The following EAPP variants were observed in gnomAD, a reference collection of about 807,000 sequenced individuals.
EAPP encodes the protein E2F associated phosphoprotein, also known as E2F-associated phosphoprotein.
Under a neutral mutation model 34.3 loss-of-function variants are expected in EAPP, and 38 were observed. That is an observed-to-expected ratio of 1.11 (90% CI 0.85 to 1.45). The LOEUF is 1.45. Ranked by LOEUF, EAPP falls within the 40% of genes most tolerant of loss-of-function variation. The probability of loss-of-function intolerance (pLI) is 0.00; values close to 1 mark genes in which losing one functional copy is unlikely to be tolerated. For synonymous variants in EAPP, 113 were observed against 117.6 expected, an observed-to-expected ratio of 0.96 and a Z score of 0.25; for missense variants, 338 against 343.7, an observed-to-expected ratio of 0.98 and a Z score of 0.13.
chr14:34,530,141 G>T (rs1213905021), intron 3 of EAPP, among the ~76,000 whole-genome samples: 2 of 151,616 alleles, frequency 1.3e-5, no homozygotes, highest in East Asian at 3.9e-4. Flanking sequence ...TGGAGGGTGT[G>T]GTGAGCCGAG....
At chr14:34,519,729 CCTTA>C (rs994719739) in intron 5 of EAPP, among the ~76,000 whole-genome samples, 1 of 151,990 alleles carries the variant, frequency 6.6e-6, no homozygotes, top group Non-Finnish European at 1.5e-5. Flanking sequence ...CTCTTCCCTT[CCTTA>C]CTGTCTTCCT....
At chr14:34,526,841 C>T (rs1880112763) in intron 4 of EAPP, among the ~76,000 whole-genome samples, 1 of 150,846 alleles carries the variant, frequency 6.6e-6, no homozygotes. Context: ...CAGTGCACTA[C>T]AGTCTGGGCA....
chr14:34,518,325 A>AATT (rs1381805165), intron 5 of EAPP, among the ~76,000 whole-genome samples: 2 of 74,086 alleles, frequency 2.7e-5, no homozygotes, highest in Admixed American at 2.2e-4. Context: ...CTCCCTTTAG[A>AATT]TTTTTTTTTT....
At chr14:34,538,695 G>A (rs1392109612) in intron 1 of EAPP, among the ~76,000 whole-genome samples, 1 of 152,144 alleles carries the variant, frequency 6.6e-6, no homozygotes. Context: ...GGGATTACAG[G>A]CATGGGCCAC....
chr14:34,526,876 T>TG (rs1880114169), intron 4 of EAPP, among the ~76,000 whole-genome samples: 1 of 50,576 alleles, frequency 2.0e-5, no homozygotes, highest in Non-Finnish European at 5.1e-5. Flanking sequence ...TGTCTTTAAA[T>TG]TAAAAAAAAA....
chr14:34,527,168 C>A (rs1183880746), intron 4 of EAPP, among the ~76,000 whole-genome samples: 463 of 106,614 alleles, frequency 4.3e-3, no homozygotes, highest in Middle Eastern at 5.3e-3. Context: ...AACTCCGTCT[C>A]AAAAAAAAAA....
chr14:34,518,204 C>G (rs1023743956), intron 5 of EAPP, among the ~76,000 whole-genome samples: 1 of 151,772 alleles, frequency 6.6e-6, no homozygotes, highest in African/African-American at 2.4e-5. Flanking sequence ...TGTAGTTTAA[C>G]TCTGATGTTT....
chr14:34,530,904 CAAAAAAAAA>C (rs780101001), intron 3 of EAPP, among the ~76,000 whole-genome samples: 6 of 55,190 alleles, frequency 1.1e-4, no homozygotes, highest in Non-Finnish European at 1.9e-4. Context: ...CAATCTTTAC[CAAAAAAAAA>C]AAAAAAAAAA....
rs1566451903 is a variant in EAPP at position 34,536,390 on chromosome 14, GTACTTA to G, written c.75-121_75-116del. Reference sequence around the variant, plus strand: ...TAAGTATTACATGGTTACATTTGATGTACTTATACATTACATATAGCTATTCTCACT... The same window carrying G: ...TAAGTATTACATGGTTACATTTGATGTACATTACATATAGCTATTCTCACT... On this transcript the variant is annotated intron_variant, in intron 1 of 5. Coordinates refer to ENST00000250454, the MANE Select transcript of EAPP (RefSeq NM_018453.4). 1.0e-5 allele frequency: 7 copies of G among 682,948 alleles called. No individual in the cohort carries two copies. The Admixed American group carries it at 1.8e-4, about 17-fold the overall frequency. The allele number at this position is 682,948 out of a possible 1,614,324, so 42.3% of individuals were successfully genotyped here.
intron 5 of EAPP, 81 bp downstream of exon 5, chr14:34,524,616 C>G (rs1348111691): frequency 1.2e-6 from 1 of 867,866 alleles, no homozygotes; most frequent in Admixed American, 2.6e-5. Flanking sequence ...ACTCTGACTT[C>G]AAAAAAAAAA....
At position 34,516,146 on chromosome 14, in the gene EAPP, G is replaced by C. The variant is rs1416344447; in HGVS notation, c.*164C>G. On this transcript the variant is annotated 3_prime_UTR_variant, in exon 6 of 6. Coordinates refer to ENST00000250454, the MANE Select transcript of EAPP (RefSeq NM_018453.4). ...AAATCAAAGAAAAAAAAAAGGAGAG[G>C]GTGAGAGATGTAAGAGATGAATGAA... The C allele has an allele frequency of 1.7e-6, 1 of 599,534 alleles. No individual in the cohort carries two copies. The highest frequency in any genetic ancestry group is 1.9e-5 in the African/African-American group (1 of 53,426). The allele number at this position is 599,534 out of a possible 1,614,324, so 37.1% of individuals were successfully genotyped here.
At position 34,539,671 on chromosome 14, in the gene EAPP, C is replaced by A. The variant is rs562858451; in HGVS notation, c.-43G>T. On this transcript the variant is annotated 5_prime_UTR_variant, in exon 1 of 6. Coordinates refer to ENST00000250454, the MANE Select transcript of EAPP (RefSeq NM_018453.4). ...TACACCGTCCACAAGCAATTTGCAG[C>A]GTCTCTGTTTACACTGCAAGTCCAG... The A allele has an allele frequency of 8.0e-6, 12 of 1,502,612 alleles. No individual in the cohort carries two copies. The East Asian group carries it at 2.1e-4, about 26-fold the overall frequency. The allele number at this position is 1,502,612 out of a possible 1,614,324, so 93.1% of individuals were successfully genotyped here. A position where few individuals can be genotyped will look rare whatever the true frequency, so the allele number is the denominator to read the frequency against.
chr14:34,537,561 C>G (rs1454577681), intron 1 of EAPP, among the ~76,000 whole-genome samples: 1 of 152,318 alleles, frequency 6.6e-6, no homozygotes, highest in East Asian at 1.9e-4. Context: ...AGCCATTTCT[C>G]AGGATTGTGT....
intron 1 of EAPP, 34 bp downstream of exon 1, chr14:34,539,521 A>T: frequency 6.2e-7 from 1 of 1,601,634 alleles, no homozygotes; most frequent in Non-Finnish European, 8.5e-7. Flanking sequence ...CCTCGACCCA[A>T]ATCCTCGGGG....
intron 3 of EAPP, among the ~76,000 whole-genome samples, chr14:34,531,138 C>A (rs953393209): frequency 6.6e-6 from 1 of 151,668 alleles, no homozygotes; most frequent in African/African-American, 2.4e-5. Flanking sequence ...AATCCTGTCT[C>A]TTCTAAAAAT....
Position 34,535,437 on chromosome 14 carries a change from A to ATTTTT in EAPP, c.256+652_256+656dup, listed in dbSNP as rs71121207. Among the ~76,000 whole-genome samples the ATTTTT allele has an allele frequency of 6.1e-3, 823 of 135,292 alleles. 11 individuals are homozygous for ATTTTT. The highest frequency in any genetic ancestry group is 0.014 in the African/African-American group (517 of 36,206). 88.8% of individuals were successfully genotyped at this position (135,292 alleles called of 152,430 possible). A position where few individuals can be genotyped will look rare whatever the true frequency, so the allele number is the denominator to read the frequency against. ...GAGCCACTGCACCCGGTCGCTACAG[A>ATTTTT]TTTTTTTTTTTTTTAGATGGAGTCT... is the stretch of plus-strand genomic sequence containing the variant. On this transcript the variant is annotated intron_variant, in intron 2 of 5. Transcript: ENST00000250454.
chr14:34,516,692 A>C (rs1049617902), intron 5 of EAPP, 106 bp from the exon 6 acceptor site: 24 of 1,128,402 alleles, frequency 2.1e-5, no homozygotes, highest in Non-Finnish European at 2.9e-5. Flanking sequence ...ATACCAACCA[A>C]AGACAAGACA....
intron 5 of EAPP, among the ~76,000 whole-genome samples, chr14:34,521,826 G>A (rs1465322061): frequency 6.6e-6 from 1 of 151,908 alleles, no homozygotes; most frequent in Non-Finnish European, 1.5e-5. Context: ...AGTAGAGACG[G>A]GGTTTCACCA....
chr14:34,536,458 A>ATTTTTTT (rs5807779), intron 1 of EAPP, 183 bp from the exon 2 acceptor site: 11 of 129,630 alleles, frequency 8.5e-5, no homozygotes, highest in South Asian at 2.9e-4. Context: ...ATCTTCTTTA[A>ATTTTTTT]TTTTTTTTTT....
Sources: allele counts gnomAD v4.1 joint callset (sites outside exome capture counted in the v4.1 genomes callset), GRCh38; gene constraint gnomAD v4.1.1; transcripts MANE v1.5; gene names NCBI Gene and HGNC (gene_info 2026-07-23, HGNC 2026-07-21).